The following CAPN14 variants were observed in gnomAD, a reference collection of about 807,000 sequenced individuals.
CAPN14 encodes the protein calpain-14.
A neutral mutation model predicts 101.3 loss-of-function variants in CAPN14; 94 were observed. The ratio of observed to expected loss-of-function variants is 0.93; its 90% CI spans 0.79 to 1.10. The LOEUF (loss-of-function observed/expected upper bound fraction) is 1.10. CAPN14 is among the 50% of genes least tolerant of loss of function. CAPN14 has a pLI of 0.00. For missense variants in CAPN14, 837 were observed against 828.4 expected (o/e 1.01, Z -0.13); for synonymous variants, 338 against 317.9 (o/e 1.06, Z -0.67).
In CAPN14 at chr2:31,200,591, G is replaced by A; in HGVS notation, c.586C>T (p.Gln196Ter). 1 of 1,551,428 alleles carries A rather than the reference G, an allele frequency of 6.4e-7. No individual in the cohort carries two copies. The highest frequency in any genetic ancestry group is 2.4e-5 in the East Asian group (1 of 40,908). ...SGSYEDLQSG[Q>*]VSEALVDFTG... The stretch of plus-strand genomic sequence containing the variant: ...AAGTCTACAAGGGCTTCAGACACCT[G>A]TCCTGACTGCAAGTCTTCATAGGAA... The change falls in exon 6 of 22, where the codon CAG becomes TAG. Residue 196 changes from glutamine (Q) to a stop codon, truncating the protein, a stop_gained. Coordinates refer to ENST00000403897, the MANE Select transcript of CAPN14 (RefSeq NM_001145122.2). LOFTEE classifies it high-confidence loss of function.
chr2:31,211,374 C>T (rs558683154), intron 1 of CAPN14, among the ~76,000 whole-genome samples: 2 of 151,836 alleles, frequency 1.3e-5, no homozygotes, highest in African/African-American at 4.8e-5. Context: ...TAGGAAATAA[C>T]AGAATTCAAG....
rs370877674 is a variant in CAPN14 at position 31,193,284 on chromosome 2, G to T, written c.961C>A (p.Gln321Lys). The part of the protein sequence containing the change: ...DNDGEFWMTL[Q>K]DFKTHFVLLV... ...AGCACGAAATGTGTTTTAAAGTCCT[G>T]CAGCGTCATCCTGTGGAGAGAAGAA... Residue 321 changes from glutamine to lysine, a missense_variant, in exon 10 of 22, where the codon CAG becomes AAG. Coordinates refer to ENST00000403897, the MANE Select transcript of CAPN14 (RefSeq NM_001145122.2). 2.5e-5 allele frequency: 39 copies of T among 1,551,576 alleles called. No individual in the cohort carries two copies. The highest frequency in any genetic ancestry group is 3.0e-5 in the Non-Finnish European group (34 of 1,147,020).
intron 16 of CAPN14, among the ~76,000 whole-genome samples, chr2:31,185,943 C>T (rs2148676972): frequency 6.6e-6 from 1 of 152,268 alleles, no homozygotes; most frequent in East Asian, 1.9e-4. Flanking sequence ...CCCCAGGCTT[C>T]ATATGAAAGC....
At chr2:31,203,047 C>T in intron 3 of CAPN14, 23 bp downstream of exon 3, 1 of 1,548,292 alleles carries the variant, frequency 6.5e-7, no homozygotes, top group Non-Finnish European at 8.7e-7. Flanking sequence ...TAGTGTCTGT[C>T]TCTCGGGGCT....
At position 31,230,609 on chromosome 2, in the gene CAPN14, A is replaced by G. The variant is rs918927675; in HGVS notation, c.-177+3182T>C. 6.6e-6 allele frequency among the ~76,000 whole-genome samples: 1 copy of G among 152,216 alleles called. No homozygotes were observed. Among genetic ancestry groups the G allele is most frequent in the Admixed American group, 6.5e-5 (1 of 15,280 alleles). ...TCTCTAATTACTAATGAGATGCAAC[A>G]TGTTTTCTTGCGTTTATAGGGCATT... On this transcript the variant is annotated intron_variant and NMD_transcript_variant, in intron 1 of 21. Coordinates refer to the CAPN14 transcript ENST00000398824. This position sits in a 1 kb window ranked among gnomAD's most constrained non-coding sequence, Gnocchi z 4.3.
intron 1 of CAPN14, among the ~76,000 whole-genome samples, chr2:31,210,136 A>G (rs566451724): frequency 2.0e-5 from 3 of 152,322 alleles, no homozygotes; most frequent in East Asian, 1.9e-4. Flanking sequence ...TGAATACTGT[A>G]TCTCTGCCAT....
intron 1 of CAPN14, among the ~76,000 whole-genome samples, chr2:31,229,815 G>A (rs1460872529): frequency 6.6e-6 from 1 of 152,106 alleles, no homozygotes; most frequent in Non-Finnish European, 1.5e-5. Flanking sequence ...TTCCTGACTA[G>A]TGTTTTATGT....
chr2:31,205,482 G>A lies in CAPN14; in HGVS notation c.-35C>T. The A allele has an allele frequency of 1.3e-6, 2 of 1,499,640 alleles. No individual in the cohort carries two copies. The highest frequency in any genetic ancestry group is 1.8e-6 in the Non-Finnish European group (2 of 1,099,880). 92.9% of individuals were successfully genotyped at this position (1,499,640 alleles called of 1,614,324 possible). A position where few individuals can be genotyped will look rare whatever the true frequency, so the allele number is the denominator to read the frequency against. ...TGGGTACAGTCCAGTGAGTCTTCCT[G>A]AGGAGTCTCTGCTGCTCCTGAAATG... On this transcript the variant is annotated 5_prime_UTR_variant, in exon 2 of 22. Coordinates refer to ENST00000403897, the MANE Select transcript of CAPN14 (RefSeq NM_001145122.2).
At chr2:31,221,280 T>C (rs1682854919), upstream of CAPN14, among the ~76,000 whole-genome samples, 1 of 152,228 alleles carries the variant, frequency 6.6e-6, no homozygotes. Flanking sequence ...TGAATTCTGA[T>C]TGACAAGGAC....
intron 1 of CAPN14, among the ~76,000 whole-genome samples, chr2:31,210,391 T>A (rs1682333448): frequency 6.6e-6 from 1 of 152,028 alleles, no homozygotes; most frequent in Admixed American, 6.6e-5. Flanking sequence ...GAGCTTGCAG[T>A]GAGCCGAGAT....
intron 6 of CAPN14, among the ~76,000 whole-genome samples, 153 bp from the exon 7 acceptor site, chr2:31,199,685 G>T (rs1280265678): frequency 1.3e-5 from 2 of 152,144 alleles, no homozygotes; most frequent in South Asian, 4.2e-4. Flanking sequence ...AAGCTCTTTG[G>T]TATCCATAGT....
At chr2:31,193,629 T>C (rs1476310698) in intron 9 of CAPN14, among the ~76,000 whole-genome samples, 1 of 152,254 alleles carries the variant, frequency 6.6e-6, no homozygotes. Flanking sequence ...ATTTGTTTTA[T>C]CTATAAATGT....
chr2:31,181,439 T>C (rs1012924700), intron 16 of CAPN14, among the ~76,000 whole-genome samples: 3 of 147,432 alleles, frequency 2.0e-5, no homozygotes, highest in African/African-American at 7.6e-5. Context: ...TCTTTCTTTC[T>C]TTCTTTTTCT....
chr2:31,211,594 T>C (rs1480683460), intron 1 of CAPN14, among the ~76,000 whole-genome samples: 2 of 151,736 alleles, frequency 1.3e-5, no homozygotes, highest in South Asian at 2.1e-4. Flanking sequence ...AAAATCATCA[T>C]AGATAAATAT....
intron 1 of CAPN14, among the ~76,000 whole-genome samples, chr2:31,211,055 A>G (rs1464260217): frequency 6.6e-6 from 1 of 152,212 alleles, no homozygotes; most frequent in African/African-American, 2.4e-5. Flanking sequence ...TATTTACTAA[A>G]AAAATCTAGA....
intron 15 of CAPN14, 73 bp downstream of exon 15, chr2:31,187,685 A>C (rs1159777397): frequency 7.4e-7 from 1 of 1,344,772 alleles, no homozygotes; most frequent in Admixed American, 2.0e-5. Flanking sequence ...GTGCAAACCT[A>C]TACTTTATAA....
intron 10 of CAPN14, among the ~76,000 whole-genome samples, 154 bp from the exon 11 acceptor site, chr2:31,192,252 T>C (rs1301379893): frequency 1.3e-5 from 2 of 152,132 alleles, no homozygotes; most frequent in Non-Finnish European, 2.9e-5. Flanking sequence ...CAACCTTGGA[T>C]TTACGCCCTC....
At chr2:31,200,195 G>T (rs1215239552) in intron 6 of CAPN14, among the ~76,000 whole-genome samples, 1 of 152,088 alleles carries the variant, frequency 6.6e-6, no homozygotes, top group Non-Finnish European at 1.5e-5. Flanking sequence ...AGCAGAGACG[G>T]GGTTTCACCA....
intron 15 of CAPN14, 94 bp downstream of exon 15, chr2:31,187,664 G>T: frequency 9.2e-7 from 1 of 1,085,330 alleles, no homozygotes; most frequent in Non-Finnish European, 1.3e-6. Context: ...TTTCTAAGCA[G>T]CCTCAAGCAG....
Sources: gnomAD v4.1 joint callset for allele counts (sites outside exome capture counted in the v4.1 genomes callset) on GRCh38, gnomAD v4.1.1 for gene constraint, Gnocchi (gnomAD v3.1) non-coding constraint, MANE v1.5 for transcripts, NCBI Gene and HGNC (gene_info 2026-07-23, HGNC 2026-07-21) for gene names.